The following RALB variants were observed in gnomAD, a reference collection of about 807,000 sequenced individuals.
RALB encodes RAS like proto-oncogene B, also known as ras-related protein Ral-B.
A neutral mutation model predicts 21.3 loss-of-function variants in RALB; 16 were observed. The observed-to-expected ratio is 0.75, with a 90% CI of 0.51 to 1.14. RALB has a LOEUF of 1.14. Among genes scored for constraint, RALB ranks in the 50% most tolerant of loss-of-function variants. RALB has a pLI of 0.00. For missense variants in RALB, 161 were observed against 256.2 expected (o/e 0.63, Z 2.54); for synonymous variants, 93 against 96.1 (o/e 0.97, Z 0.19).
Position 120,289,655 on chromosome 2 carries a change from G to A in RALB, c.399G>A (p.Glu133=). 1.2e-6 allele frequency: 2 copies of A among 1,614,222 alleles called. No homozygotes were observed. Among genetic ancestry groups the A allele is most frequent in the Non-Finnish European group, 1.7e-6 (2 of 1,180,032 alleles). ...TCGTGGGAAACAAGTCTGACCTAGA[G>A]GAGCGGAGGCAGGTGCCTGTGGAGG... ...LLVVGNKSDL[E]ERRQVPVEEA... Residue 133 remains glutamate (E), a synonymous_variant, in exon 4 of 5, where the codon GAG becomes GAA. Transcript: ENST00000272519.
At chr2:120,253,022 C>T in intron 1 of RALB, 42 bp downstream of exon 1, 1 of 975,382 alleles carries the variant, frequency 1.0e-6, no homozygotes, top group Non-Finnish European at 1.2e-6. Flanking sequence ...GGGTGGGGCG[C>T]GGGCTGGGGA....
At chr2:120,268,449 A>G (rs1052000748) in intron 1 of RALB, among the ~76,000 whole-genome samples, 3 of 152,236 alleles carry the variant, frequency 2.0e-5, no homozygotes, top group Non-Finnish European at 4.4e-5. Flanking sequence ...GGTATAGAGA[A>G]TAGTACATAA....
upstream of RALB, among the ~76,000 whole-genome samples, chr2:120,249,573 A>T (rs1689022061): frequency 6.6e-6 from 1 of 152,018 alleles, no homozygotes; most frequent in African/African-American, 2.4e-5. Context: ...ACGCACTCTT[A>T]AACAACCAGA....
Position 120,240,116 on chromosome 2 carries a change from C to T in RALB, c.10C>T (p.Arg4Trp), listed in dbSNP as rs917478405. The change falls in exon 1 of 4, where the codon CGG becomes TGG. Residue 4 changes from arginine (R) to tryptophan (W), a missense_variant. Physicochemically the swap from Arg to Trp is moderately radical, Grantham distance 101. Coordinates refer to the RALB transcript ENST00000447591. ...AGGAGGAGGTCTCTGCATGAAACAGCGGCAGTCAGGTGGGTGCCCGCCCTC... is the reference window on the plus strand; with the variant it reads ...AGGAGGAGGTCTCTGCATGAAACAGTGGCAGTCAGGTGGGTGCCCGCCCTC... 5 of 1,289,532 alleles carry T rather than the reference C, an allele frequency of 3.9e-6. No homozygotes were observed. The African/African-American group carries it at 4.6e-5, about 12-fold the overall frequency. 79.9% of individuals were successfully genotyped at this position (1,289,532 alleles called of 1,614,324 possible).
chr2:120,262,920 C>G (rs1214566115), intron 1 of RALB, among the ~76,000 whole-genome samples: 3 of 152,202 alleles, frequency 2.0e-5, no homozygotes, highest in Non-Finnish European at 1.5e-5. Flanking sequence ...TCCCTCTCCA[C>G]TGCCCTGAGA....
At chr2:120,254,494 G>A (rs538825302) in intron 1 of RALB, among the ~76,000 whole-genome samples, 3 of 152,288 alleles carry the variant, frequency 2.0e-5, no homozygotes, top group Non-Finnish European at 4.4e-5. Context: ...AATAGTGTAA[G>A]TTATTAGATA....
chr2:120,283,713 A>G (rs1426942991), intron 2 of RALB, among the ~76,000 whole-genome samples: 2 of 152,216 alleles, frequency 1.3e-5, no homozygotes, highest in African/African-American at 4.8e-5. Context: ...GCTTAGAGGA[A>G]AGTCAGCTTA....
intron 4 of RALB, among the ~76,000 whole-genome samples, chr2:120,292,479 G>T (rs1179025726): frequency 6.6e-6 from 1 of 152,176 alleles, no homozygotes; most frequent in East Asian, 1.9e-4. Context: ...GGGGTGTCAA[G>T]AGCACCTGGG....
chr2:120,294,606 T>A lies in RALB; in HGVS notation c.*1346T>A, dbSNP rs1690379754. On this transcript the variant is annotated 3_prime_UTR_variant, in exon 5 of 5. Transcript: ENST00000272519. The stretch of plus-strand genomic sequence containing the variant: ...GAGTGGGAACCTTTTGAATTTATGA[T>A]TGTCACAGAGATGGTAGAAATTATG... The A allele has an allele frequency of 5.0e-6, 1 of 198,576 alleles. No individual in the cohort carries two copies. The highest frequency in any genetic ancestry group is 1.0e-5 in the Non-Finnish European group (1 of 99,392). The allele number at this position is 198,576 out of a possible 1,614,324, so 12.3% of individuals were successfully genotyped here.
At chr2:120,273,023 A>G (rs1259202481) in intron 1 of RALB, among the ~76,000 whole-genome samples, 1 of 152,164 alleles carries the variant, frequency 6.6e-6, no homozygotes, top group Non-Finnish European at 1.5e-5. Context: ...TCTTATCTCT[A>G]ATACCCTGTG....
chr2:120,263,882 C>G (rs1376707136), intron 1 of RALB, among the ~76,000 whole-genome samples: 1 of 151,858 alleles, frequency 6.6e-6, no homozygotes, highest in Non-Finnish European at 1.5e-5. Context: ...GAGTCTTGCT[C>G]TGTCGCCCAG....
At chr2:120,284,010 T>C (rs996932739) in intron 2 of RALB, among the ~76,000 whole-genome samples, 1 of 152,226 alleles carries the variant, frequency 6.6e-6, no homozygotes. Flanking sequence ...GCTTTATCCT[T>C]GGAAGCTCAG....
At chr2:120,288,342 G>GTTTGTT (rs1690218094) in intron 3 of RALB, among the ~76,000 whole-genome samples, 2 of 117,092 alleles carry the variant, frequency 1.7e-5, no homozygotes, top group Non-Finnish European at 3.3e-5. Context: ...GAAAATTTTA[G>GTTTGTT]TTTTTTTTTT....
chr2:120,272,211 C>T (rs1689680959), intron 1 of RALB, among the ~76,000 whole-genome samples: 1 of 152,190 alleles, frequency 6.6e-6, no homozygotes, highest in Non-Finnish European at 1.5e-5. Context: ...CCAGGTCTCT[C>T]TTCCTTCTCT....
At chr2:120,245,037 G>A (rs2104566496) in intron 1 of RALB, among the ~76,000 whole-genome samples, 1 of 152,342 alleles carries the variant, frequency 6.6e-6, no homozygotes, top group East Asian at 1.9e-4. Context: ...GCCCACTCAG[G>A]AAGAGGGAGA....
At chr2:120,277,965 ATG>A (rs1000240714) in intron 1 of RALB, among the ~76,000 whole-genome samples, 81 of 124,204 alleles carry the variant, frequency 6.5e-4, no homozygotes, top group African/African-American at 1.1e-3. Flanking sequence ...ATGTGAGTGA[ATG>A]TGTGTGAATA....
chr2:120,240,293 A>T (rs6746072), intron 1 of RALB, among the ~76,000 whole-genome samples: 84,092 of 133,390 alleles, frequency 0.63, 24,112 homozygotes, highest in East Asian at 0.7. Flanking sequence ...TTTTATTTTT[A>T]TTTTTTTTTG....
intron 1 of RALB, among the ~76,000 whole-genome samples, chr2:120,271,428 G>A (rs1006967919): frequency 6.6e-6 from 1 of 152,196 alleles, no homozygotes; most frequent in African/African-American, 2.4e-5. Context: ...TTAGTTTGGA[G>A]TGTCTTGTTA....
rs573589040 is a variant in RALB at position 120,258,860 on chromosome 2, C to G, written c.-48+5880C>G. Among the ~76,000 whole-genome samples the G allele has an allele frequency of 2.4e-4, 36 of 152,300 alleles. 1 individual carries two copies. In the East Asian group the frequency reaches 2.7e-3, roughly 11 times the overall value. ...CTCACTGACTTCAAGAATGAAGCCG[C>G]GGACCCTCGCGGTGAGTGTTACAGC... On this transcript the variant is annotated intron_variant, in intron 1 of 4. Coordinates refer to ENST00000272519, the MANE Select transcript of RALB (RefSeq NM_002881.3).
Sources: gnomAD v4.1 joint callset for allele counts (sites outside exome capture counted in the v4.1 genomes callset) on GRCh38, gnomAD v4.1.1 for gene constraint, MANE v1.5 for transcripts, NCBI Gene and HGNC (gene_info 2026-07-23, HGNC 2026-07-21) for gene names.